Variants in GALNT17 observed in about 807,000 individuals in gnomAD.
GALNT17 encodes the protein polypeptide N-acetylgalactosaminyltransferase 17.
Under a neutral mutation model 63.7 loss-of-function variants are expected in GALNT17, and 29 were observed. The ratio of observed to expected loss-of-function variants is 0.46; its 90% CI spans 0.34 to 0.62. The LOEUF is 0.62. Among genes scored for constraint, GALNT17 ranks in the 20% least tolerant of loss-of-function variants. GALNT17 has a pLI of 0.01. For synonymous variants in GALNT17, 305 were observed against 318.3 expected, an observed-to-expected ratio of 0.96 and a Z score of 0.45; for missense variants, 603 against 799.6, an observed-to-expected ratio of 0.75 and a Z score of 2.97.
intron 1 of GALNT17, among the ~76,000 whole-genome samples, chr7:71,213,864 T>C (rs1789426463): frequency 6.6e-6 from 1 of 152,218 alleles, no homozygotes; most frequent in African/African-American, 2.4e-5. Flanking sequence ...GATTACATTC[T>C]TCTGGTAACC....
chr7:71,449,108 C>CTTTTTTTTTTTTTTTTTTTTTTTTTT lies in GALNT17; in HGVS notation c.962+28025_962+28026insTTTTTTTTTTTTTTTTTTTTTTTTTT, dbSNP rs59368494. 5.5e-5 allele frequency among the ~76,000 whole-genome samples: 4 copies of CTTTTTTTTTTTTTTTTTTTTTTTTTT among 72,754 alleles called. 1 individual carries two copies. The highest frequency in any genetic ancestry group is 9.2e-5 in the Non-Finnish European group (4 of 43,306). The allele number at this position is 72,754 out of a possible 152,430, so 47.7% of individuals were successfully genotyped here. Reference sequence around the variant, plus strand: ...ATTAGAAATAACAGCTGCCTATTTTCTTTTTTTTTTTTTTTTTTTTTTGAG... The same window carrying CTTTTTTTTTTTTTTTTTTTTTTTTTT: ...ATTAGAAATAACAGCTGCCTATTTTCTTTTTTTTTTTTTTTTTTTTTTTTTTTTTTTTTTTTTTTTTTTTTTTTGAG... On this transcript the variant is annotated intron_variant, in intron 5 of 10. Coordinates refer to ENST00000333538, the MANE Select transcript of GALNT17 (RefSeq NM_022479.3).
At position 71,137,679 on chromosome 7, in the gene GALNT17, C is replaced by T. The variant is rs1424895387; in HGVS notation, c.238+4639C>T. Among the ~76,000 whole-genome samples, 16 of 152,134 alleles carry T rather than the reference C, an allele frequency of 1.1e-4. 1 individual carries two copies. The highest frequency in any genetic ancestry group is 2.7e-4 in the African/African-American group (11 of 41,422). On this transcript the variant is annotated intron_variant, in intron 1 of 10. Coordinates refer to ENST00000333538, the MANE Select transcript of GALNT17 (RefSeq NM_022479.3). ...CAGTGTGAGGAAGCCATCTTGCCTC[C>T]GCCATCTTGAGGCTCGTCTAGTCTT...
intron 1 of GALNT17, among the ~76,000 whole-genome samples, chr7:71,196,091 A>T (rs1202655): frequency 6.6e-6 from 1 of 151,806 alleles, no homozygotes; most frequent in African/African-American, 2.4e-5. Flanking sequence ...ACCTCCTCCC[A>T]TGTGCCTGTT....
At chr7:71,711,803 CTA>C (rs1791797320) in intron 10 of GALNT17, among the ~76,000 whole-genome samples, 1 of 150,758 alleles carries the variant, frequency 6.6e-6, no homozygotes, top group Non-Finnish European at 1.5e-5. Flanking sequence ...TCTTCTGTCT[CTA>C]TCTTCTCTCT....
intron 5 of GALNT17, among the ~76,000 whole-genome samples, chr7:71,552,127 C>T (rs1239139295): frequency 6.6e-6 from 1 of 152,010 alleles, no homozygotes; most frequent in African/African-American, 2.4e-5. Flanking sequence ...CCACTGCAAC[C>T]TCCACCTCCT....
chr7:71,633,572 A>G (rs1790487731), intron 6 of GALNT17, among the ~76,000 whole-genome samples: 1 of 152,056 alleles, frequency 6.6e-6, no homozygotes, highest in South Asian at 2.1e-4. Context: ...TTATTTATTT[A>G]TGTAGGGGAT....
intron 6 of GALNT17, among the ~76,000 whole-genome samples, chr7:71,621,405 G>A (rs1422866257): frequency 1.3e-5 from 2 of 152,086 alleles, no homozygotes; most frequent in South Asian, 2.1e-4. Flanking sequence ...ATGGTGCCCG[G>A]TATGACACTT....
chr7:71,669,876 C>T, intron 7 of GALNT17, 96 bp from the exon 8 acceptor site: 2 of 1,498,782 alleles, frequency 1.3e-6, no homozygotes, highest in Non-Finnish European at 1.8e-6. Flanking sequence ...TTAAGATCTT[C>T]TATGTGAAGG....
chr7:71,528,248 C>G (rs1160590598), intron 5 of GALNT17, among the ~76,000 whole-genome samples: 3 of 152,206 alleles, frequency 2.0e-5, no homozygotes, highest in Non-Finnish European at 4.4e-5. Flanking sequence ...CATAGCACAC[C>G]TGCATCTCTG....
intron 1 of GALNT17, among the ~76,000 whole-genome samples, chr7:71,181,574 C>T (rs1327307655): frequency 5.9e-5 from 9 of 152,060 alleles, no homozygotes. Flanking sequence ...GCATCAGAAT[C>T]ACCTTGATGG....
At chr7:71,248,767 C>T (rs1385933203) in intron 1 of GALNT17, among the ~76,000 whole-genome samples, 2 of 152,158 alleles carry the variant, frequency 1.3e-5, no homozygotes, top group Non-Finnish European at 2.9e-5. Flanking sequence ...TACATCAGCT[C>T]ATTCGGTCTT....
rs777577666 is a variant in GALNT17 at position 71,300,465 on chromosome 7, G to A, written c.239-35085G>A. On this transcript the variant is annotated intron_variant, in intron 1 of 10. Transcript: ENST00000333538. ...CTGATCTTTTCAGAATCACTGACTG[G>A]GGGATGTTCATGAGCTTGGACAGGA... 2.1e-4 allele frequency: 98 copies of A among 456,004 alleles called. 2 individuals are homozygous for A. The highest frequency in any genetic ancestry group is 1.4e-3 in the South Asian group (92 of 64,480). 28.2% of individuals were successfully genotyped at this position (456,004 alleles called of 1,614,324 possible).
At chr7:71,517,225 C>A (rs1041383634) in intron 5 of GALNT17, among the ~76,000 whole-genome samples, 1 of 152,204 alleles carries the variant, frequency 6.6e-6, no homozygotes, top group African/African-American at 2.4e-5. Flanking sequence ...TCTTGGTTTG[C>A]AGCAGCATAC....
At chr7:71,506,268 T>TTTTA (rs869195610) in intron 5 of GALNT17, among the ~76,000 whole-genome samples, 2 of 75,174 alleles carry the variant, frequency 2.7e-5, no homozygotes, top group African/African-American at 6.9e-5. Context: ...TTTTATTTTA[T>TTTTA]TTTATTTATT....
intron 1 of GALNT17, among the ~76,000 whole-genome samples, chr7:71,163,752 G>A (rs1788388587): frequency 6.6e-6 from 1 of 152,174 alleles, no homozygotes; most frequent in African/African-American, 2.4e-5. Flanking sequence ...TTAGATAGAG[G>A]CCAGATAGTA....
At chr7:71,536,252 A>C (rs941333290) in intron 5 of GALNT17, among the ~76,000 whole-genome samples, 1 of 152,176 alleles carries the variant, frequency 6.6e-6, no homozygotes, top group African/African-American at 2.4e-5. Flanking sequence ...GGAGGCTCCT[A>C]GATCTGGGTC....
chr7:71,210,812 A>C (rs904781434), intron 1 of GALNT17, among the ~76,000 whole-genome samples: 2 of 152,208 alleles, frequency 1.3e-5, no homozygotes, highest in African/African-American at 4.8e-5. Flanking sequence ...CATTGTTACC[A>C]AGATTATATG....
intron 5 of GALNT17, among the ~76,000 whole-genome samples, chr7:71,466,995 C>T (rs140833300): frequency 2.2e-4 from 34 of 152,048 alleles, no homozygotes; most frequent in African/African-American, 8.0e-4. Flanking sequence ...GGCCATGGCC[C>T]TTAACCTGGG....
At chr7:71,561,552 G>C (rs1789256153) in intron 5 of GALNT17, among the ~76,000 whole-genome samples, 1 of 152,180 alleles carries the variant, frequency 6.6e-6, no homozygotes, top group Non-Finnish European at 1.5e-5. Context: ...TCTGAGGTCA[G>C]AGAAAAGCAG....
Sources: allele counts gnomAD v4.1 joint callset (sites outside exome capture counted in the v4.1 genomes callset), GRCh38; gene constraint gnomAD v4.1.1; transcripts MANE v1.5; gene names NCBI Gene and HGNC (gene_info 2026-07-23, HGNC 2026-07-21).